Variants in XKR9 observed in about 807,000 individuals in gnomAD.
The protein encoded by XKR9 is XK-related protein 9.
In XKR9, 32 loss-of-function variants were observed where a neutral mutation model predicts 32.0. That is an observed-to-expected ratio of 1.00 (90% CI 0.76 to 1.34). The LOEUF is 1.34. XKR9 is among the 40% of genes most tolerant of loss of function. XKR9 has a pLI of 0.00. For missense variants in XKR9, 546 were observed against 429.7 expected, an observed-to-expected ratio of 1.27 and a Z score of -2.39; for synonymous variants, 168 against 143.4, an observed-to-expected ratio of 1.17 and a Z score of -1.22.
the XKR9 span, among the ~76,000 whole-genome samples, chr8:70,855,529 T>A: frequency 1.3e-5 from 2 of 152,134 alleles, no homozygotes; most frequent in Admixed American, 1.3e-4. Flanking sequence ...ACGGGGAGAA[T>A]GGAACGAAGT....
At chr8:70,776,776 C>T (rs1807526015) in intron 2 of XKR9, among the ~76,000 whole-genome samples, 2 of 151,968 alleles carry the variant, frequency 1.3e-5, no homozygotes, top group Admixed American at 1.3e-4. Flanking sequence ...GGGCCTTCTC[C>T]TGCCACCTTA....
chr8:70,884,876 A>G, the XKR9 span, among the ~76,000 whole-genome samples: 1 of 152,152 alleles, frequency 6.6e-6, no homozygotes, highest in Non-Finnish European at 1.5e-5. Flanking sequence ...TTGCCTTTCC[A>G]TATGAAATTT....
At chr8:70,699,353 T>A (rs201344872) in intron 3 of XKR9, among the ~76,000 whole-genome samples, 3 of 152,100 alleles carry the variant, frequency 2.0e-5, no homozygotes, top group African/African-American at 7.2e-5. Flanking sequence ...GTGCTTCCTT[T>A]AGGAGCTCTT....
chr8:70,790,307 T>C (rs186689135), exon 4 of XKR9: 3 of 152,214 alleles, frequency 2.0e-5, no homozygotes, highest in East Asian at 3.9e-4. Flanking sequence ...CTAATTTATA[T>C]GAAAATGTGC....
At chr8:70,994,856 C>A in the XKR9 span, among the ~76,000 whole-genome samples, 3 of 150,470 alleles carry the variant, frequency 2.0e-5, no homozygotes, top group African/African-American at 7.3e-5. Flanking sequence ...AACAAAAGAA[C>A]AATAAATTTT....
chr8:70,784,533 C>T (rs536218906), intron 2 of XKR9, among the ~76,000 whole-genome samples: 1 of 150,682 alleles, frequency 6.6e-6, no homozygotes. Flanking sequence ...GATTTTTGTG[C>T]GTTGATTTTG....
chr8:70,683,557 A>G (rs1487174722), intron 3 of XKR9: 1 of 451,098 alleles, frequency 2.2e-6, no homozygotes, highest in African/African-American at 2.0e-5. Flanking sequence ...GCGCCTTCCC[A>G]GCTCATTGCA....
intron 3 of XKR9, among the ~76,000 whole-genome samples, chr8:70,691,396 A>G (rs1586819149): frequency 6.6e-6 from 1 of 152,130 alleles, no homozygotes; most frequent in Non-Finnish European, 1.5e-5. Flanking sequence ...CTTTCGCTGT[A>G]CAGAAGCTTT....
the XKR9 span, among the ~76,000 whole-genome samples, chr8:70,841,151 T>G: frequency 2.0e-5 from 3 of 152,196 alleles, no homozygotes; most frequent in Non-Finnish European, 4.4e-5. Flanking sequence ...AATAGTATTC[T>G]GTAAGTTTGA....
intron 4 of XKR9, among the ~76,000 whole-genome samples, chr8:70,722,381 C>G (rs1449598537): frequency 6.6e-6 from 1 of 152,130 alleles, no homozygotes; most frequent in East Asian, 1.9e-4. Context: ...GATGCAGTTT[C>G]TTCATAGTGT....
intron 2 of XKR9, among the ~76,000 whole-genome samples, chr8:70,675,224 G>A (rs371180835): frequency 4.6e-5 from 7 of 152,212 alleles, no homozygotes; most frequent in South Asian, 2.1e-4. Context: ...GTCAGGATTC[G>A]AAATCAGCCT....
chr8:70,860,078 A>G, the XKR9 span, among the ~76,000 whole-genome samples: 1 of 152,302 alleles, frequency 6.6e-6, no homozygotes, highest in African/African-American at 2.4e-5. Flanking sequence ...CTATACATGC[A>G]ACAAAAAATC....
At chr8:70,697,757 TG>T (rs1298225290) in intron 3 of XKR9, among the ~76,000 whole-genome samples, 1 of 151,910 alleles carries the variant, frequency 6.6e-6, no homozygotes, top group African/African-American at 2.4e-5. Flanking sequence ...TCAGAAGGAA[TG>T]GTACCAGTTC....
chr8:70,998,580 C>T, the XKR9 span, among the ~76,000 whole-genome samples: 1 of 152,162 alleles, frequency 6.6e-6, no homozygotes, highest in African/African-American at 2.4e-5. Context: ...GGACTGGAGA[C>T]AATATGAATA....
At chr8:70,753,696 C>T (rs1374260275) in intron 2 of XKR9, among the ~76,000 whole-genome samples, 5 of 151,838 alleles carry the variant, frequency 3.3e-5, no homozygotes, top group Non-Finnish European at 7.4e-5. Context: ...GCAGAAAAGG[C>T]CTTTGACAAA....
downstream of XKR9, among the ~76,000 whole-genome samples, chr8:70,739,848 G>A (rs1003209930): frequency 1.3e-5 from 2 of 152,202 alleles, no homozygotes; most frequent in Non-Finnish European, 2.9e-5. Context: ...CCGTTGGTCT[G>A]ATGGGCTTCC....
the XKR9 span, among the ~76,000 whole-genome samples, chr8:70,868,125 G>T: frequency 6.6e-6 from 1 of 152,168 alleles, no homozygotes; most frequent in South Asian, 2.1e-4. Flanking sequence ...TTCTCTCCTG[G>T]CTGCTTTCAC....
chr8:70,872,201 A>C, the XKR9 span, among the ~76,000 whole-genome samples: 1 of 152,254 alleles, frequency 6.6e-6, no homozygotes, highest in African/African-American at 2.4e-5. Context: ...ATAATAAGAA[A>C]GTGAAACAGC....
the XKR9 span, among the ~76,000 whole-genome samples, chr8:70,813,796 G>A: frequency 6.6e-6 from 1 of 152,222 alleles, no homozygotes; most frequent in East Asian, 1.9e-4. Flanking sequence ...GGAAACAACA[G>A]GTGCTGGAGA....
Sources: allele counts gnomAD v4.1 joint callset (sites outside exome capture counted in the v4.1 genomes callset), GRCh38; gene constraint gnomAD v4.1.1; transcripts MANE v1.5; gene names NCBI Gene and HGNC (gene_info 2026-07-23, HGNC 2026-07-21).